The following SNTG1 variants were observed in gnomAD, a reference collection of about 807,000 sequenced individuals.
SNTG1 encodes the protein syntrophin gamma 1.
SNTG1 carries 39 observed loss-of-function variants against 74.7 expected under a neutral mutation model. The observed-to-expected ratio is 0.52, with a 90% confidence interval of 0.40 to 0.68. The LOEUF (loss-of-function observed/expected upper bound fraction) is 0.68. SNTG1 is among the 30% of genes least tolerant of loss of function. The pLI is 0.00. For synonymous variants in SNTG1, 254 were observed against 217.1 expected (o/e 1.17, Z -1.49); for missense variants, 685 against 609.5 (o/e 1.12, Z -1.30).
intron 2 of SNTG1, among the ~76,000 whole-genome samples, chr8:50,223,905 A>G (rs558057040): frequency 6.6e-6 from 1 of 152,304 alleles, no homozygotes; most frequent in South Asian, 2.1e-4. Context: ...AAGGAATAAA[A>G]TACTGTCACT....
At chr8:50,712,010 G>A (rs985125049) in intron 17 of SNTG1, among the ~76,000 whole-genome samples, 3 of 152,152 alleles carry the variant, frequency 2.0e-5, no homozygotes, top group Admixed American at 2.0e-4. Flanking sequence ...AAATGTATAT[G>A]TGCATTAATT....
chr8:50,001,075 G>A (rs897826417), intron 1 of SNTG1, among the ~76,000 whole-genome samples: 4 of 152,198 alleles, frequency 2.6e-5, no homozygotes, highest in African/African-American at 9.7e-5. Flanking sequence ...AGAGTCCAGG[G>A]TGAGCTGAGC....
At chr8:50,093,395 ATATAT>A (rs2079812701) in intron 1 of SNTG1, among the ~76,000 whole-genome samples, 2 of 152,162 alleles carry the variant, frequency 1.3e-5, no homozygotes, top group African/African-American at 4.8e-5. Flanking sequence ...TAATATTATA[ATATAT>A]TTATCACACA....
intron 1 of SNTG1, among the ~76,000 whole-genome samples, chr8:49,932,288 A>G (rs1388098297): frequency 1.3e-5 from 2 of 152,158 alleles, no homozygotes; most frequent in Non-Finnish European, 2.9e-5. Flanking sequence ...AAAGAAAATT[A>G]ATAACTTTTG....
chr8:50,600,709 T>C (rs1244612789), intron 13 of SNTG1, among the ~76,000 whole-genome samples: 1 of 152,106 alleles, frequency 6.6e-6, no homozygotes, highest in Non-Finnish European at 1.5e-5. Flanking sequence ...TAAAGGTTTG[T>C]CAATATTATT....
At chr8:50,465,301 A>G (rs1268397254) in intron 8 of SNTG1, among the ~76,000 whole-genome samples, 4 of 152,226 alleles carry the variant, frequency 2.6e-5, no homozygotes, top group African/African-American at 9.6e-5. Context: ...ATGGGAAACA[A>G]TTTTATCAGG....
intron 18 of SNTG1, among the ~76,000 whole-genome samples, chr8:50,767,623 A>G (rs2095617048): frequency 6.6e-6 from 1 of 151,896 alleles, no homozygotes; most frequent in South Asian, 2.1e-4. Flanking sequence ...TTGACAAGTT[A>G]CAAAAGCTTA....
intron 15 of SNTG1, among the ~76,000 whole-genome samples, chr8:50,679,454 A>G (rs1357279922): frequency 1.3e-5 from 2 of 152,118 alleles, no homozygotes; most frequent in African/African-American, 4.8e-5. Context: ...TAGCCACATT[A>G]TGGGGTTACT....
intron 8 of SNTG1, among the ~76,000 whole-genome samples, chr8:50,470,072 A>C (rs2093639893): frequency 6.6e-6 from 1 of 152,248 alleles, no homozygotes; most frequent in South Asian, 2.1e-4. Flanking sequence ...CCAGCGCCAC[A>C]CAAACATTCT....
At chr8:50,489,480 A>C (rs1197857916) in intron 8 of SNTG1, among the ~76,000 whole-genome samples, 1 of 152,210 alleles carries the variant, frequency 6.6e-6, no homozygotes, top group African/African-American at 2.4e-5. Context: ...AACTGGTGTG[A>C]GATGATATCT....
chr8:50,668,523 ATTATTATTATTATTT>A (rs1287761187), intron 15 of SNTG1, among the ~76,000 whole-genome samples: 1 of 64,640 alleles, frequency 1.5e-5, no homozygotes, highest in East Asian at 5.9e-4. Context: ...TATTATTATT[ATTATTATTATTATTT>A]TGCTTTAAGT....
rs147161762 is a variant in SNTG1, at chr8:50,632,780, T to G, written c.850-24129T>G. 1.1e-3 allele frequency among the ~76,000 whole-genome samples: 168 copies of G among 152,310 alleles called. 1 individual carries two copies. The highest frequency in any genetic ancestry group is 3.8e-3 in the African/African-American group (157 of 41,572). On this transcript the variant is annotated intron_variant, in intron 13 of 18. Transcript: ENST00000642720. ...ACCAAAATTCTGAAGACTGTTATAT[T>G]CAAAAAGAAAATGTGATTATGTGGC...
intron 4 of SNTG1, among the ~76,000 whole-genome samples, chr8:50,410,398 A>G (rs187158095): frequency 7.9e-5 from 12 of 152,072 alleles, no homozygotes; most frequent in Non-Finnish European, 1.8e-4. Context: ...TTAAACTTTT[A>G]AAAAAAACTC....
intron 18 of SNTG1, among the ~76,000 whole-genome samples, chr8:50,767,390 C>CTGT (rs943791636): frequency 2.0e-5 from 3 of 151,806 alleles, no homozygotes; most frequent in Non-Finnish European, 2.9e-5. Flanking sequence ...TATCTTTTTG[C>CTGT]TGTTGTTGTT....
chr8:50,165,317 A>C (rs1049751940), intron 1 of SNTG1, among the ~76,000 whole-genome samples: 2 of 152,250 alleles, frequency 1.3e-5, no homozygotes, highest in Admixed American at 6.5e-5. Flanking sequence ...ATCACAGTGC[A>C]GTCAGTGACA....
At chr8:50,500,969 G>A (rs2093946622) in intron 8 of SNTG1, among the ~76,000 whole-genome samples, 2 of 152,108 alleles carry the variant, frequency 1.3e-5, no homozygotes, top group South Asian at 4.1e-4. Flanking sequence ...GATAGTCTCA[G>A]GACCTTGACA....
intron 17 of SNTG1, among the ~76,000 whole-genome samples, chr8:50,733,187 G>A (rs1281335000): frequency 6.6e-6 from 1 of 151,844 alleles, no homozygotes; most frequent in Non-Finnish European, 1.5e-5. Context: ...GTGGAATTTG[G>A]TTTTCTGTTT....
At chr8:50,333,356 G>C (rs974482261) in intron 2 of SNTG1, among the ~76,000 whole-genome samples, 5 of 152,214 alleles carry the variant, frequency 3.3e-5, no homozygotes, top group African/African-American at 1.2e-4. Context: ...TTGTTTGCAA[G>C]TATTTTCCTG....
intron 1 of SNTG1, among the ~76,000 whole-genome samples, chr8:50,105,480 T>C (rs1342079339): frequency 6.6e-6 from 1 of 151,728 alleles, no homozygotes; most frequent in Admixed American, 6.6e-5. Flanking sequence ...AGCTTTTTTG[T>C]TTTGTTTTGT....
Sources: allele counts gnomAD v4.1 joint callset (sites outside exome capture counted in the v4.1 genomes callset), GRCh38; gene constraint gnomAD v4.1.1; transcripts MANE v1.5; gene names NCBI Gene and HGNC (gene_info 2026-07-23, HGNC 2026-07-21).